The following RBKS variants were observed in gnomAD, a reference collection of about 807,000 sequenced individuals.
RBKS encodes ribokinase.
In RBKS, 33 loss-of-function variants were observed where a neutral mutation model predicts 33.9. The observed-to-expected ratio is 0.97, with a 90% confidence interval of 0.74 to 1.30. The LOEUF (loss-of-function observed/expected upper bound fraction) is 1.30. RBKS is among the 50% of genes most tolerant of loss of function. The probability of loss-of-function intolerance (pLI) is 0.00; values close to 1 mark genes in which losing one functional copy is unlikely to be tolerated. For missense variants in RBKS, 361 were observed against 392.6 expected (o/e 0.92, Z 0.68); for synonymous variants, 125 against 143.0 (o/e 0.87, Z 0.90).
chr2:27,819,411 G>A (rs1197685743), intron 7 of RBKS, among the ~76,000 whole-genome samples: 1 of 152,168 alleles, frequency 6.6e-6, no homozygotes, highest in Non-Finnish European at 1.5e-5. Flanking sequence ...CACATTGGGG[G>A]TTAAGGCTTC....
chr2:27,797,511 G>C (rs1248025097), intron 7 of RBKS, among the ~76,000 whole-genome samples: 1 of 152,222 alleles, frequency 6.6e-6, no homozygotes, highest in Non-Finnish European at 1.5e-5. Flanking sequence ...TTCAGCAGCA[G>C]AGCAGATGGA....
At chr2:27,830,954 C>G (rs527494131) in intron 6 of RBKS, among the ~76,000 whole-genome samples, 2 of 152,200 alleles carry the variant, frequency 1.3e-5, no homozygotes, top group South Asian at 4.1e-4. Context: ...TGAGGAAGCC[C>G]AAGTCACACG....
intron 7 of RBKS, among the ~76,000 whole-genome samples, chr2:27,814,168 C>G (rs557694105): frequency 6.6e-6 from 1 of 152,238 alleles, no homozygotes; most frequent in African/African-American, 2.4e-5. Flanking sequence ...CTACAGTGAA[C>G]TATGATGGTG....
In RBKS at chr2:27,871,512, C is replaced by T. The variant is rs964111439; in HGVS notation, c.90-12941G>A. On this transcript the variant is annotated intron_variant, in intron 1 of 7. Coordinates refer to ENST00000302188, the MANE Select transcript of RBKS (RefSeq NM_022128.3). ...GCTGTCTCATCATTGGGTCTTTCCCCCCTTTTCAAAGAAGCTCTCCAGTGA... is the reference window on the plus strand; with the variant it reads ...GCTGTCTCATCATTGGGTCTTTCCCTCCTTTTCAAAGAAGCTCTCCAGTGA... 3.9e-5 allele frequency among the ~76,000 whole-genome samples: 6 copies of T among 152,130 alleles called. 1 individual carries two copies. Among genetic ancestry groups the T allele is most frequent in the Admixed American group, 6.5e-5 (1 of 15,274 alleles).
At chr2:27,808,927 A>T (rs946182097) in intron 7 of RBKS, among the ~76,000 whole-genome samples, 3 of 152,190 alleles carry the variant, frequency 2.0e-5, no homozygotes, top group African/African-American at 4.8e-5. Context: ...ATCTTTACCT[A>T]TCACCCACTT....
chr2:27,809,854 C>G, intron 7 of RBKS: 1 of 1,124,964 alleles, frequency 8.9e-7, no homozygotes, highest in Non-Finnish European at 1.2e-6. Flanking sequence ...ACAGGTTCCA[C>G]TTCTGCTGAT....
rs869036134 is a variant in RBKS at position 27,801,963 on chromosome 2, AAT to A, written c.796-20177_796-20176del. On this transcript the variant is annotated intron_variant, in intron 7 of 7. Coordinates refer to ENST00000302188, the MANE Select transcript of RBKS (RefSeq NM_022128.3). ...CGAGTAGCTGGGGAAAAAAAAAAAA[AAT>A]ATATATATATATATATATATATATA... 4.9e-3 allele frequency among the ~76,000 whole-genome samples: 235 copies of A among 47,612 alleles called. 4 individuals are homozygous for A. Among genetic ancestry groups the A allele is most frequent in the African/African-American group, 8.8e-3 (108 of 12,326 alleles). The allele number at this position is 47,612 out of a possible 152,430, so 31.2% of individuals were successfully genotyped here. A position where few individuals can be genotyped will look rare whatever the true frequency, so the allele number is the denominator to read the frequency against.
intron 1 of RBKS, among the ~76,000 whole-genome samples, chr2:27,871,646 G>T (rs2148226622): frequency 6.6e-6 from 1 of 152,276 alleles, no homozygotes; most frequent in South Asian, 2.1e-4. Flanking sequence ...AATAATGGGT[G>T]GGCCATGTGT....
chr2:27,790,012 G>GAGAC lies in RBKS; in HGVS notation c.796-8225_796-8224insGTCT, dbSNP rs1253905144. ...AGAGAGAGAGAGAGAGAGAGAGAGA[G>GAGAC]AGAGATGTGGTTTCACCATGTTGCC... On this transcript the variant is annotated intron_variant, in intron 7 of 7. Transcript: ENST00000302188. 5.4e-5 allele frequency among the ~76,000 whole-genome samples: 8 copies of GAGAC among 147,230 alleles called. No individual in the cohort carries two copies. The East Asian group carries it at 1.6e-3, about 29-fold the overall frequency.
chr2:27,883,262 C>G (rs1424663087), intron 1 of RBKS, among the ~76,000 whole-genome samples: 5 of 150,638 alleles, frequency 3.3e-5, no homozygotes, highest in African/African-American at 1.2e-4. Flanking sequence ...TGCAGTGGCA[C>G]GATCTCAGCT....
At chr2:27,849,593 GAAAAAAAGA>G (rs1224463571) in intron 2 of RBKS, among the ~76,000 whole-genome samples, 1 of 100,082 alleles carries the variant, frequency 1.0e-5, no homozygotes, top group African/African-American at 4.8e-5. Flanking sequence ...AAAAGAAAAA[GAAAAAAAGA>G]AAAAAAAGAA....
intron 7 of RBKS, among the ~76,000 whole-genome samples, chr2:27,801,611 G>A (rs548001707): frequency 3.9e-5 from 6 of 152,170 alleles, no homozygotes; most frequent in African/African-American, 1.4e-4. Flanking sequence ...TTTGGTAGGT[G>A]TGTTAGGCAG....
chr2:27,818,317 C>T (rs957346987), intron 7 of RBKS, among the ~76,000 whole-genome samples: 1 of 152,078 alleles, frequency 6.6e-6, no homozygotes, highest in Non-Finnish European at 1.5e-5. Context: ...AAGATCTGGC[C>T]GCTTCTGAAG....
intron 7 of RBKS, among the ~76,000 whole-genome samples, chr2:27,789,923 G>A (rs1488549124): frequency 1.6e-5 from 2 of 128,068 alleles, no homozygotes; most frequent in African/African-American, 5.7e-5. Context: ...GTGTTTGTGT[G>A]TGTATATATA....
intron 7 of RBKS, among the ~76,000 whole-genome samples, chr2:27,784,881 G>C (rs1169533087): frequency 6.6e-6 from 1 of 152,164 alleles, no homozygotes; most frequent in Non-Finnish European, 1.5e-5. Flanking sequence ...AATGGAGAAA[G>C]AGACAGACAT....
Position 27,810,304 on chromosome 2 carries a change from C to T in RBKS, c.795+17263G>A, listed in dbSNP as rs1677966132. Among the ~76,000 whole-genome samples the T allele has an allele frequency of 6.6e-6, 1 of 152,076 alleles. No homozygotes were observed. The highest frequency in any genetic ancestry group is 1.5e-5 in the Non-Finnish European group (1 of 68,022). Reference sequence around the variant, plus strand: ...GTGGTAGGGCAAGTATCTGAACTAGCATTATGTTGCAAAAGAGTTACCTTC... The same window carrying T: ...GTGGTAGGGCAAGTATCTGAACTAGTATTATGTTGCAAAAGAGTTACCTTC... On this transcript the variant is annotated intron_variant, in intron 7 of 7. Coordinates refer to ENST00000302188, the MANE Select transcript of RBKS (RefSeq NM_022128.3). The surrounding 1 kb of genome is among the most constrained non-coding windows in gnomAD (Gnocchi z 4.4).
chr2:27,836,979 TA>T (rs771148192), intron 5 of RBKS, among the ~76,000 whole-genome samples: 10 of 150,652 alleles, frequency 6.6e-5, no homozygotes, highest in African/African-American at 1.0e-4. Context: ...CAGCTATTAT[TA>T]AAAAGTCAAG....
chr2:27,808,713 GA>G (rs1398061765), intron 7 of RBKS, among the ~76,000 whole-genome samples: 2 of 152,218 alleles, frequency 1.3e-5, no homozygotes, highest in South Asian at 2.1e-4. Flanking sequence ...GTCAGACCAG[GA>G]CTGAAGTGGA....
intron 5 of RBKS, among the ~76,000 whole-genome samples, chr2:27,840,239 C>G (rs924379082): frequency 2.0e-5 from 3 of 151,444 alleles, no homozygotes; most frequent in African/African-American, 7.3e-5. Context: ...CCAGGATGGT[C>G]TCGATCTCTT....
Sources: allele counts gnomAD v4.1 joint callset (sites outside exome capture counted in the v4.1 genomes callset), GRCh38; gene constraint gnomAD v4.1.1; non-coding constraint Gnocchi (gnomAD v3.1); transcripts MANE v1.5; gene names NCBI Gene and HGNC (gene_info 2026-07-23, HGNC 2026-07-21).